The following FHIT variants were observed in gnomAD, a reference collection of about 807,000 sequenced individuals.
FHIT encodes the protein fragile histidine triad diadenosine triphosphatase, also known as bis(5'-adenosyl)-triphosphatase.
A neutral mutation model predicts 17.9 loss-of-function variants in FHIT; 19 were observed. The ratio of observed to expected loss-of-function variants is 1.06; its 90% CI spans 0.74 to 1.56. The LOEUF is 1.56. FHIT is among the 40% of genes most tolerant of loss of function. FHIT has a pLI of 0.00. For synonymous variants in FHIT, 81 were observed against 69.7 expected, an observed-to-expected ratio of 1.16 and a Z score of -0.81; for missense variants, 248 against 189.2, an observed-to-expected ratio of 1.31 and a Z score of -1.82.
chr3:59,969,271 A>G (rs907590289), intron 7 of FHIT, among the ~76,000 whole-genome samples: 1 of 152,132 alleles, frequency 6.6e-6, no homozygotes, highest in Non-Finnish European at 1.5e-5. Flanking sequence ...ATTCAAAAAT[A>G]CAAATTAATC....
intron 2 of FHIT, among the ~76,000 whole-genome samples, chr3:61,194,534 T>C (rs1002994471): frequency 1.3e-5 from 2 of 152,214 alleles, no homozygotes; most frequent in African/African-American, 4.8e-5. Flanking sequence ...TTATTAAATA[T>C]TTTCAAAACA....
intron 3 of FHIT, among the ~76,000 whole-genome samples, chr3:60,835,981 T>C (rs1046190316): frequency 1.3e-5 from 2 of 152,208 alleles, no homozygotes; most frequent in South Asian, 4.1e-4. Context: ...GTTTTCTGTG[T>C]AGAAAATCAT....
chr3:59,977,623 C>T (rs979939915), intron 7 of FHIT, among the ~76,000 whole-genome samples: 1 of 152,236 alleles, frequency 6.6e-6, no homozygotes, highest in Non-Finnish European at 1.5e-5. Flanking sequence ...TAGAGTCAGC[C>T]GCGTTGCAGT....
intron 2 of FHIT, among the ~76,000 whole-genome samples, chr3:61,103,723 T>C (rs1310156746): frequency 6.6e-6 from 1 of 152,192 alleles, no homozygotes; most frequent in African/African-American, 2.4e-5. Context: ...ACTTGCTTTA[T>C]GAATCTGGGT....
chr3:60,900,364 A>T (rs111591988), intron 3 of FHIT, among the ~76,000 whole-genome samples: 1 of 152,106 alleles, frequency 6.6e-6, no homozygotes, highest in Admixed American at 6.5e-5. Flanking sequence ...GTTTGAGGCT[A>T]TAGTGCACTA....
intron 3 of FHIT, among the ~76,000 whole-genome samples, chr3:60,869,694 T>C (rs1199964902): frequency 1.3e-5 from 2 of 152,068 alleles, no homozygotes; most frequent in Non-Finnish European, 2.9e-5. Flanking sequence ...AGATGGAAGA[T>C]AGTTCACTAA....
intron 5 of FHIT, among the ~76,000 whole-genome samples, chr3:60,148,218 T>A (rs1054120165): frequency 6.6e-6 from 1 of 152,208 alleles, no homozygotes; most frequent in South Asian, 2.1e-4. Flanking sequence ...CTCAGTGTTA[T>A]ACATTACACA....
At chr3:60,394,438 C>T (rs1043140100) in intron 5 of FHIT, among the ~76,000 whole-genome samples, 2 of 152,032 alleles carry the variant, frequency 1.3e-5, no homozygotes, top group Admixed American at 6.6e-5. Flanking sequence ...GAGCAACATG[C>T]CCAAAATCAA....
At chr3:60,740,076 C>T (rs1553713586) in intron 4 of FHIT, among the ~76,000 whole-genome samples, 1 of 152,188 alleles carries the variant, frequency 6.6e-6, no homozygotes, top group African/African-American at 2.4e-5. Context: ...GAGCATATCT[C>T]TTTGCTATTA....
intron 5 of FHIT, among the ~76,000 whole-genome samples, chr3:60,429,994 C>T (rs1230016630): frequency 1.3e-5 from 2 of 151,932 alleles, no homozygotes; most frequent in South Asian, 2.1e-4. Context: ...AGCTTAAGCC[C>T]GTGCCTTAAG....
At chr3:60,531,977 A>C (rs2035803576) in intron 5 of FHIT, among the ~76,000 whole-genome samples, 1 of 152,170 alleles carries the variant, frequency 6.6e-6, no homozygotes, top group South Asian at 2.1e-4. Context: ...AATGTTCTTA[A>C]AGTTACCTAG....
Position 59,904,518 on chromosome 3 carries a change from G to C in FHIT, c.348+17828C>G, listed in dbSNP as rs544322012. Among the ~76,000 whole-genome samples the C allele has an allele frequency of 5.3e-5, 8 of 152,282 alleles. No individual in the cohort carries two copies. In the South Asian group the frequency reaches 1.7e-3, roughly 32 times the overall value. On this transcript the variant is annotated intron_variant, in intron 8 of 9. Coordinates refer to ENST00000492590, the MANE Select transcript of FHIT (RefSeq NM_002012.4). The stretch of plus-strand genomic sequence containing the variant: ...CAGGAGACAAGTAGACTGAAGTCAT[G>C]ATTTTGATGTAGGATTTTTCTTCTC...
At chr3:60,980,837 G>A (rs182500517) in intron 3 of FHIT, among the ~76,000 whole-genome samples, 21 of 152,178 alleles carry the variant, frequency 1.4e-4, no homozygotes, top group Admixed American at 9.8e-4. Context: ...GTTGCCAATA[G>A]TAAAAAAAAT....
At chr3:59,974,740 G>A (rs772092080) in intron 7 of FHIT, among the ~76,000 whole-genome samples, 5 of 152,074 alleles carry the variant, frequency 3.3e-5, no homozygotes, top group South Asian at 2.1e-4. Context: ...TAAGCTGAAA[G>A]TGCCTTTAGG....
intron 2 of FHIT, among the ~76,000 whole-genome samples, chr3:61,048,648 A>C (rs2033906842): frequency 6.6e-6 from 1 of 152,226 alleles, no homozygotes; most frequent in Non-Finnish European, 1.5e-5. Context: ...AAAGGATTAT[A>C]AATCATGCTG....
At chr3:61,099,593 C>T (rs988174286) in intron 2 of FHIT, among the ~76,000 whole-genome samples, 2 of 152,140 alleles carry the variant, frequency 1.3e-5, no homozygotes, top group African/African-American at 4.8e-5. Context: ...AATTTCAGAG[C>T]TCCCTATTGG....
chr3:60,450,266 C>T (rs2031646785), intron 5 of FHIT, among the ~76,000 whole-genome samples: 1 of 151,870 alleles, frequency 6.6e-6, no homozygotes, highest in South Asian at 2.1e-4. Context: ...TCTACGTCAA[C>T]ACTGGGCAAT....
At chr3:60,035,830 A>G (rs1055224193) in intron 5 of FHIT, among the ~76,000 whole-genome samples, 3 of 152,202 alleles carry the variant, frequency 2.0e-5, no homozygotes, top group Admixed American at 6.5e-5. Flanking sequence ...TCTACTCTGA[A>G]TATCTTTTGA....
chr3:60,064,562 A>G (rs887856721), intron 5 of FHIT, among the ~76,000 whole-genome samples: 5 of 152,188 alleles, frequency 3.3e-5, no homozygotes, highest in Non-Finnish European at 4.4e-5. Context: ...GACAGAACCT[A>G]CCTACCATGT....
Sources: gnomAD v4.1 joint callset for allele counts (sites outside exome capture counted in the v4.1 genomes callset) on GRCh38, gnomAD v4.1.1 for gene constraint, MANE v1.5 for transcripts, NCBI Gene and HGNC (gene_info 2026-07-23, HGNC 2026-07-21) for gene names.